Variants in LHFPL3 observed in about 807,000 individuals in gnomAD.
LHFPL3 encodes LHFPL tetraspan subfamily member 3.
A neutral mutation model predicts 19.3 loss-of-function variants in LHFPL3; 5 were observed. That is an observed-to-expected ratio of 0.26 (90% CI 0.14 to 0.54). The LOEUF is 0.54. Ranked by LOEUF, LHFPL3 falls within the 20% of genes least tolerant of loss-of-function variation. The probability of loss-of-function intolerance (pLI) is 0.94; values close to 1 mark genes in which losing one functional copy is unlikely to be tolerated. For missense variants in LHFPL3, 249 were observed against 307.4 expected, an observed-to-expected ratio of 0.81 and a Z score of 1.42; for synonymous variants, 133 against 126.2, an observed-to-expected ratio of 1.05 and a Z score of -0.36.
intron 2 of LHFPL3, among the ~76,000 whole-genome samples, chr7:104,782,742 T>C (rs1000142283): frequency 2.6e-5 from 4 of 152,232 alleles, no homozygotes; most frequent in African/African-American, 9.6e-5. Context: ...ACTAGGTCCT[T>C]TGTGATTTGT....
intron 1 of LHFPL3, among the ~76,000 whole-genome samples, chr7:104,331,169 T>TGTTTC (rs1180652779): frequency 4.6e-5 from 7 of 152,232 alleles, no homozygotes; most frequent in African/African-American, 1.4e-4. Flanking sequence ...TTTTTTGTTT[T>TGTTTC]GTTTCGTTTT....
At chr7:104,804,343 C>G (rs747066112) in intron 2 of LHFPL3, among the ~76,000 whole-genome samples, 2 of 152,118 alleles carry the variant, frequency 1.3e-5, no homozygotes, top group Non-Finnish European at 2.9e-5. Context: ...GGTATAATTA[C>G]CAGAAGGAGG....
chr7:104,866,482 C>T (rs1278464732), intron 2 of LHFPL3, among the ~76,000 whole-genome samples: 1 of 152,064 alleles, frequency 6.6e-6, no homozygotes, highest in Non-Finnish European at 1.5e-5. Flanking sequence ...ACAAAGAAGG[C>T]CATTACATAA....
chr7:104,824,866 TATC>T (rs1790786695), intron 2 of LHFPL3, among the ~76,000 whole-genome samples: 1 of 134,528 alleles, frequency 7.4e-6, no homozygotes, highest in Non-Finnish European at 1.5e-5. Context: ...TTATATATAT[TATC>T]TAATAATTAT....
chr7:104,407,448 T>C (rs1430346730), intron 1 of LHFPL3, among the ~76,000 whole-genome samples: 1 of 152,090 alleles, frequency 6.6e-6, no homozygotes, highest in East Asian at 1.9e-4. Context: ...CCTGAGGTCA[T>C]GAGTTTGAGA....
At chr7:104,640,159 GGTTT>G (rs1265816416) in intron 1 of LHFPL3, among the ~76,000 whole-genome samples, 1 of 152,138 alleles carries the variant, frequency 6.6e-6, no homozygotes, top group East Asian at 1.9e-4. Flanking sequence ...AGAATATGCA[GGTTT>G]GTTACATAGT....
rs189145352 is a variant in LHFPL3 at position 104,375,084 on chromosome 7, A to G, written c.445+45860A>G. Among the ~76,000 whole-genome samples the G allele has an allele frequency of 1.3e-3, 198 of 152,318 alleles. 1 individual carries two copies. The highest frequency in any genetic ancestry group is 4.5e-3 in the African/African-American group (187 of 41,566). ...CCAGGCACGGTGGCTTACCCCTGTA[A>G]TCCCAACACTTTGGGAGGCCAAGGC... On this transcript the variant is annotated intron_variant, in intron 1 of 2. Transcript: ENST00000424859.
chr7:104,633,949 G>T (rs1791689302), intron 1 of LHFPL3, among the ~76,000 whole-genome samples: 1 of 152,132 alleles, frequency 6.6e-6, no homozygotes, highest in Non-Finnish European at 1.5e-5. Context: ...GCTGGTGTTG[G>T]ATACAAAGAC....
At chr7:104,570,860 C>G (rs1235151766) in intron 1 of LHFPL3, among the ~76,000 whole-genome samples, 3 of 152,196 alleles carry the variant, frequency 2.0e-5, no homozygotes, top group Admixed American at 6.5e-5. Flanking sequence ...AAGCTCTATG[C>G]TGCTTTCTTA....
At chr7:104,864,262 G>C (rs1458038641) in intron 2 of LHFPL3, among the ~76,000 whole-genome samples, 1 of 152,156 alleles carries the variant, frequency 6.6e-6, no homozygotes, top group Admixed American at 6.5e-5. Flanking sequence ...GTTGGAAAGT[G>C]GGTGCAGGAC....
At chr7:104,752,249 G>C (rs1051979173) in intron 2 of LHFPL3, among the ~76,000 whole-genome samples, 1 of 152,032 alleles carries the variant, frequency 6.6e-6, no homozygotes, top group East Asian at 1.9e-4. Context: ...AACATTTTGC[G>C]TTGACTGAGC....
chr7:104,668,442 C>T (rs571074167), intron 1 of LHFPL3: 23 of 1,608,916 alleles, frequency 1.4e-5, no homozygotes, highest in Non-Finnish European at 1.9e-5. Context: ...TGATTCAGAC[C>T]GGTATCGGGA....
At chr7:104,553,952 C>G (rs1252493421) in intron 1 of LHFPL3, among the ~76,000 whole-genome samples, 1 of 152,172 alleles carries the variant, frequency 6.6e-6, no homozygotes, top group Non-Finnish European at 1.5e-5. Flanking sequence ...TATCCCTTCT[C>G]TCAGTGATCG....
At chr7:104,400,285 G>A (rs557041175) in intron 1 of LHFPL3, among the ~76,000 whole-genome samples, 22 of 152,136 alleles carry the variant, frequency 1.4e-4, no homozygotes, top group African/African-American at 5.3e-4. Flanking sequence ...CATAAAAAAT[G>A]TCTGAACCTG....
chr7:104,345,328 C>G (rs1474557684), intron 1 of LHFPL3, among the ~76,000 whole-genome samples: 1 of 151,150 alleles, frequency 6.6e-6, no homozygotes. Flanking sequence ...TTGATTTTCT[C>G]CACTACATTC....
rs1426161843 is a variant in LHFPL3 at position 104,390,357 on chromosome 7, G to A, written c.445+61133G>A. Among the ~76,000 whole-genome samples the A allele has an allele frequency of 3.3e-5, 5 of 151,152 alleles. No homozygotes were observed. The East Asian group carries it at 9.7e-4, about 29-fold the overall frequency. ...CCCCCCTGCCCCCACCCCACAACAG[G>A]CCCCAGTGTGTAGTGTTCCCCAACC... On this transcript the variant is annotated intron_variant, in intron 1 of 2. Transcript: ENST00000424859.
At chr7:104,685,130 C>A (rs1359599771) in intron 1 of LHFPL3, among the ~76,000 whole-genome samples, 1 of 152,016 alleles carries the variant, frequency 6.6e-6, no homozygotes, top group African/African-American at 2.4e-5. Flanking sequence ...GGGTGAATCA[C>A]GAGGTCAAGA....
At chr7:104,391,799 G>C (rs1424975267) in intron 1 of LHFPL3, among the ~76,000 whole-genome samples, 2 of 152,150 alleles carry the variant, frequency 1.3e-5, no homozygotes, top group East Asian at 3.9e-4. Context: ...TCACAATACT[G>C]ATTCTTCCTA....
chr7:104,534,839 A>G (rs1794364033), intron 1 of LHFPL3, among the ~76,000 whole-genome samples: 1 of 152,116 alleles, frequency 6.6e-6, no homozygotes, highest in African/African-American at 2.4e-5. Flanking sequence ...GCTTTTCCTG[A>G]ATTATTCTAT....
Sources: gnomAD v4.1 joint callset for allele counts (sites outside exome capture counted in the v4.1 genomes callset) on GRCh38, gnomAD v4.1.1 for gene constraint, MANE v1.5 for transcripts, NCBI Gene and HGNC (gene_info 2026-07-23, HGNC 2026-07-21) for gene names.